NUP98: variants seen among roughly 807,000 people sequenced by gnomAD.
NUP98 encodes the protein nucleoporin 98 and 96 precursor.
A neutral mutation model predicts 191.9 loss-of-function variants in NUP98; 26 were observed. The ratio of observed to expected loss-of-function variants is 0.14; its 90% CI spans 0.10 to 0.19. The LOEUF (loss-of-function observed/expected upper bound fraction) is 0.19, where lower values mean the gene tolerates loss of function less well. Ranked by LOEUF, NUP98 falls within the 10% of genes least tolerant of loss-of-function variation. The probability of loss-of-function intolerance (pLI) is 1.00; values close to 1 mark genes in which losing one functional copy is unlikely to be tolerated. For synonymous variants in NUP98, 808 were observed against 778.4 expected (o/e 1.04, Z -0.63); for missense variants, 1,941 against 2,178.8 (o/e 0.89, Z 2.17).
rs746008368 is a variant in NUP98, at chr11:3,699,188, A to G, written c.3903T>C (p.Ile1301=). The G allele has an allele frequency of 6.2e-7, 1 of 1,614,104 alleles. No homozygotes were observed. The highest frequency in any genetic ancestry group is 8.5e-7 in the Non-Finnish European group (1 of 1,180,020). ...TTTGGGTTAAGGAGACTTCCTCTTC[A>G]ATCTGAGGTGTGGCAGTACAGGATA... ...RWLSCTATPQ[I]EEEVSLTQKN... Residue 1301 remains isoleucine, a synonymous_variant, in exon 25 of 33, where the codon ATT becomes ATC. Transcript: ENST00000324932.
chr11:3,689,636 G>A lies in NUP98; in HGVS notation c.4454+1711C>T, dbSNP rs2078243544. ...TATTGTTGGACACCTAAACCACTCTGCATTTCTTTCTTTTTTGGAGACAGG... is the reference window on the plus strand; with the variant it reads ...TATTGTTGGACACCTAAACCACTCTACATTTCTTTCTTTTTTGGAGACAGG... On this transcript the variant is annotated intron_variant, in intron 28 of 32. Transcript: ENST00000324932. 2.0e-5 allele frequency among the ~76,000 whole-genome samples: 3 copies of A among 152,034 alleles called. No homozygotes were observed. In the South Asian group the frequency reaches 6.2e-4, roughly 32 times the overall value.
intron 1 of NUP98, among the ~76,000 whole-genome samples, chr11:3,796,812 G>GAAA (rs2082630412): frequency 6.6e-6 from 1 of 152,140 alleles, no homozygotes; most frequent in East Asian, 1.9e-4. Flanking sequence ...AGTCCTTATG[G>GAAA]CTATAGTAAT....
chr11:3,772,480 A>T (rs1177672183), intron 6 of NUP98, among the ~76,000 whole-genome samples: 1 of 152,210 alleles, frequency 6.6e-6, no homozygotes, highest in Non-Finnish European at 1.5e-5. Flanking sequence ...ACTTCATGCA[A>T]CAACATGGAT....
Position 3,729,715 on chromosome 11 carries a change from C to CAAAAAAAAAA in NUP98, c.1730+1666_1730+1675dup, listed in dbSNP as rs755816362. 3.1e-3 allele frequency among the ~76,000 whole-genome samples: 116 copies of CAAAAAAAAAA among 37,410 alleles called. 7 individuals are homozygous for CAAAAAAAAAA. Among genetic ancestry groups the CAAAAAAAAAA allele is most frequent in the Middle Eastern group, 0.016 (1 of 62 alleles). The allele number at this position is 37,410 out of a possible 152,430, so 24.5% of individuals were successfully genotyped here. A position where few individuals can be genotyped will look rare whatever the true frequency, so the allele number is the denominator to read the frequency against. On this transcript the variant is annotated intron_variant, in intron 14 of 32. Transcript: ENST00000324932. ...GGGCAATGGCATAAGACTCTTGCCT[C>CAAAAAAAAAA]AAAAAAAAAAAAAAAAAAAAAAAAA... is the stretch of plus-strand genomic sequence containing the variant.
rs1351150254 is a variant in NUP98, at chr11:3,765,272, GTGCACCAC to G, written c.949-2241_949-2234del. On this transcript the variant is annotated intron_variant, in intron 8 of 32. Coordinates refer to ENST00000324932, the MANE Select transcript of NUP98 (RefSeq NM_016320.5). ...TGGCCTATTCATAGCCACGATCATA[GTGCACCAC>G]AGCTTCTAACTCATGACCTCAATGA... 1.8e-4 allele frequency among the ~76,000 whole-genome samples: 28 copies of G among 152,268 alleles called. 1 individual carries two copies. The South Asian group carries it at 5.4e-3, about 29-fold the overall frequency.
chr11:3,773,689 T>TA lies in NUP98; in HGVS notation c.545dup (p.Ser183LysfsTer14). On this transcript the variant is annotated frameshift_variant, in exon 6 of 33. Transcript: ENST00000324932. LOFTEE classifies it high-confidence loss of function. ...CAGTAATACACTGGTGCTTGGTACT[T>TA]ATGTTAGTGCTAACTCCAGCTTTGA... 1 of 1,613,694 alleles carries TA rather than the reference T, an allele frequency of 6.2e-7. No individual in the cohort carries two copies.
At chr11:3,724,197 C>T (rs535070491) in intron 15 of NUP98, among the ~76,000 whole-genome samples, 2 of 151,676 alleles carry the variant, frequency 1.3e-5, no homozygotes, top group African/African-American at 4.8e-5. Flanking sequence ...TTTGTGAGGC[C>T]GAGGCGGGTG....
rs755051159 is a variant in NUP98 at position 3,705,296 on chromosome 11, A to T, written c.2986T>A (p.Phe996Ile). ...TCTGCTTTGGAAGGCAGGCGACTGA[A>T]GCGTTGATCCAGTGCCATATCTACA... ...EDVDMALDQR[F>I]SRLPSKADTS... Residue 996 changes from phenylalanine to isoleucine, a missense_variant, in exon 22 of 33, where the codon TTC becomes ATC. Around this residue, in one of 6 missense-constraint regions of NUP98, gnomAD observed 1,030 missense variants for 1,115.8 expected, o/e 0.92. Coordinates refer to ENST00000324932, the MANE Select transcript of NUP98 (RefSeq NM_016320.5). 2 of 1,614,190 alleles carry T rather than the reference A, an allele frequency of 1.2e-6. No individual in the cohort carries two copies. Among genetic ancestry groups the T allele is most frequent in the Non-Finnish European group, 1.7e-6 (2 of 1,180,022 alleles).
chr11:3,721,515 T>C (rs1011022025), intron 16 of NUP98, among the ~76,000 whole-genome samples: 12 of 152,012 alleles, frequency 7.9e-5, no homozygotes, highest in African/African-American at 2.9e-4. Context: ...CTGGCTAACA[T>C]GGCAAAAATC....
At chr11:3,752,155 AG>A (rs1221492583) in intron 11 of NUP98, among the ~76,000 whole-genome samples, 1 of 151,238 alleles carries the variant, frequency 6.6e-6, no homozygotes, top group Non-Finnish European at 1.5e-5. Context: ...AAAAAAAAAA[AG>A]GGAAATTGAA....
In NUP98 at chr11:3,712,831, G is replaced by A. The variant is rs969856716; in HGVS notation, c.2578-103C>T. The A allele has an allele frequency of 3.4e-5, 41 of 1,223,512 alleles. No individual in the cohort carries two copies. The African/African-American group carries it at 6.0e-4, about 18-fold the overall frequency. The allele number at this position is 1,223,512 out of a possible 1,614,324, so 75.8% of individuals were successfully genotyped here. On this transcript the variant is annotated intron_variant, in intron 19 of 32. Transcript: ENST00000324932. Reference sequence around the variant, plus strand: ...TACCTTAAGAAAAAAGAAAGAAAAGGGGAGAAATATCTAAGTATTTAAAGC... The same window carrying A: ...TACCTTAAGAAAAAAGAAAGAAAAGAGGAGAAATATCTAAGTATTTAAAGC...
intron 16 of NUP98, among the ~76,000 whole-genome samples, chr11:3,722,119 T>C (rs2079426709): frequency 6.7e-6 from 1 of 149,918 alleles, no homozygotes; most frequent in African/African-American, 2.5e-5. Flanking sequence ...TTTTTTTTTT[T>C]TTTTTTTTTA....
At chr11:3,783,198 C>A (rs2082033256) in intron 1 of NUP98, among the ~76,000 whole-genome samples, 1 of 152,042 alleles carries the variant, frequency 6.6e-6, no homozygotes, top group Admixed American at 6.6e-5. Context: ...TCGAGACCAG[C>A]CTGGGCAACA....
intron 11 of NUP98, among the ~76,000 whole-genome samples, chr11:3,750,244 C>T (rs1367730178): frequency 2.0e-5 from 3 of 152,152 alleles, no homozygotes; most frequent in Non-Finnish European, 4.4e-5. Flanking sequence ...CTCAGCCTCC[C>T]GAGTAGCTTG....
intron 1 of NUP98, among the ~76,000 whole-genome samples, chr11:3,790,098 G>A (rs2082284351): frequency 6.6e-6 from 1 of 152,050 alleles, no homozygotes; most frequent in African/African-American, 2.4e-5. Flanking sequence ...TACCTATCAA[G>A]AAGGTTGAGT....
chr11:3,775,432 A>G (rs1305684406), intron 5 of NUP98, among the ~76,000 whole-genome samples: 1 of 152,086 alleles, frequency 6.6e-6, no homozygotes, highest in African/African-American at 2.4e-5. Flanking sequence ...GCTACTCAGG[A>G]GGCGGAGGCA....
Position 3,721,114 on chromosome 11 carries a change from TC to T in NUP98, c.2147-290del, listed in dbSNP as rs1293925763. On this transcript the variant is annotated intron_variant, in intron 16 of 32. Transcript: ENST00000324932. ...TAAACTCTGCTTAACCTCGTGTTTT[TC>T]CAGATTTAACCACAGAACATTATTT... The T allele has an allele frequency of 1.7e-5, 3 of 180,178 alleles. No individual in the cohort carries two copies. In the Admixed American group the frequency reaches 1.8e-4, roughly 11 times the overall value. The allele number at this position is 180,178 out of a possible 1,614,324, so 11.2% of individuals were successfully genotyped here. A position where few individuals can be genotyped will look rare whatever the true frequency, so the allele number is the denominator to read the frequency against.
At chr11:3,795,053 T>C (rs992316824) in intron 1 of NUP98, among the ~76,000 whole-genome samples, 3 of 152,222 alleles carry the variant, frequency 2.0e-5, no homozygotes, top group African/African-American at 7.2e-5. Flanking sequence ...ACATAAATCA[T>C]ATTACAAGAA....
In NUP98 at chr11:3,686,431, T is replaced by C. The variant is rs76662690; in HGVS notation, c.4455-237A>G. Among the ~76,000 whole-genome samples, 1,170 of 152,342 alleles carry C rather than the reference T, an allele frequency of 7.7e-3. 20 individuals are homozygous for C. The highest frequency in any genetic ancestry group is 0.027 in the Middle Eastern group (8 of 294). ...AGGTTGTGTGATCTAACAGGTTTGCTGGTAATGGTTTGGCGTATGTATTTT... is the reference window on the plus strand; with the variant it reads ...AGGTTGTGTGATCTAACAGGTTTGCCGGTAATGGTTTGGCGTATGTATTTT... On this transcript the variant is annotated intron_variant, in intron 28 of 32. Coordinates refer to ENST00000324932, the MANE Select transcript of NUP98 (RefSeq NM_016320.5).
Sources: gnomAD v4.1 joint callset for allele counts (sites outside exome capture counted in the v4.1 genomes callset) on GRCh38, gnomAD v4.1.1 for gene constraint, gnomAD v4.1.1 regional missense constraint, MANE v1.5 for transcripts, NCBI Gene and HGNC (gene_info 2026-07-23, HGNC 2026-07-21) for gene names.